Variants in PID1 observed in about 807,000 individuals in gnomAD.
PID1 encodes phosphotyrosine interaction domain containing 1.
A neutral mutation model predicts 19.1 loss-of-function variants in PID1; 10 were observed. The ratio of observed to expected loss-of-function variants is 0.52; its 90% CI spans 0.32 to 0.89. The LOEUF (loss-of-function observed/expected upper bound fraction) is 0.89. Among genes scored for constraint, PID1 ranks in the 40% least tolerant of loss-of-function variants. PID1 has a pLI of 0.03. For missense variants in PID1, 248 were observed against 285.3 expected (o/e 0.87, Z 0.94); for synonymous variants, 130 against 116.0 (o/e 1.12, Z -0.78).
At chr2:229,201,724 T>A (rs1208245910) in intron 1 of PID1, among the ~76,000 whole-genome samples, 2 of 152,098 alleles carry the variant, frequency 1.3e-5, no homozygotes, top group Non-Finnish European at 2.9e-5. Context: ...AGCAGTTGCA[T>A]CATTTTACAT....
chr2:229,149,586 T>C (rs1690205609), intron 2 of PID1, among the ~76,000 whole-genome samples: 2 of 152,220 alleles, frequency 1.3e-5, no homozygotes, highest in African/African-American at 4.8e-5. Context: ...GGACTACTAC[T>C]GTTATACCTG....
rs186022563 is a variant in PID1, at chr2:229,056,160, C to G, written c.178-30052G>C. On this transcript the variant is annotated intron_variant, in intron 2 of 2. Coordinates refer to ENST00000392055, the MANE Select transcript of PID1 (RefSeq NM_001100818.2). ...GTCTCAAGAATGTTTTTCATAGCTCCTGGATCCAGATTAGCCAAGAGATAA... is the reference window on the plus strand; with the variant it reads ...GTCTCAAGAATGTTTTTCATAGCTCGTGGATCCAGATTAGCCAAGAGATAA... Among the ~76,000 whole-genome samples the G allele has an allele frequency of 9.2e-5, 14 of 152,250 alleles. 1 individual carries two copies. In the East Asian group the frequency reaches 2.7e-3, roughly 29 times the overall value.
intron 2 of PID1, among the ~76,000 whole-genome samples, chr2:229,141,954 T>C (rs1300077448): frequency 6.6e-6 from 1 of 152,120 alleles, no homozygotes; most frequent in Non-Finnish European, 1.5e-5. Context: ...ACAGTGGTTT[T>C]TATATTCTAC....
chr2:229,066,763 T>C (rs2106198089), intron 2 of PID1, among the ~76,000 whole-genome samples: 1 of 151,720 alleles, frequency 6.6e-6, no homozygotes, highest in South Asian at 2.1e-4. Flanking sequence ...CCCCCTCCAT[T>C]AAGAAATCAA....
chr2:229,030,110 A>T (rs1693515559), intron 2 of PID1, among the ~76,000 whole-genome samples: 1 of 152,248 alleles, frequency 6.6e-6, no homozygotes, highest in African/African-American at 2.4e-5. Context: ...ATACTACAAC[A>T]TGGATGAATT....
At chr2:229,212,806 GC>G (rs1691766231) in intron 1 of PID1, among the ~76,000 whole-genome samples, 1 of 151,970 alleles carries the variant, frequency 6.6e-6, no homozygotes. Context: ...GCACAGCAAG[GC>G]AGGTAGAAGA....
intron 2 of PID1, among the ~76,000 whole-genome samples, chr2:229,132,825 G>A (rs1032154211): frequency 6.6e-6 from 1 of 152,160 alleles, no homozygotes; most frequent in African/African-American, 2.4e-5. Context: ...TACAATGTAT[G>A]CACTGCACTG....
intron 2 of PID1, among the ~76,000 whole-genome samples, chr2:229,108,522 C>G (rs181238525): frequency 2.0e-5 from 3 of 152,294 alleles, no homozygotes; most frequent in East Asian, 3.9e-4. Flanking sequence ...GCCAGCCCTA[C>G]CTGGGAGGAT....
chr2:229,107,659 G>C (rs1050690783), intron 2 of PID1, among the ~76,000 whole-genome samples: 1 of 152,096 alleles, frequency 6.6e-6, no homozygotes, highest in African/African-American at 2.4e-5. Flanking sequence ...TCAAGTTGTC[G>C]ACGGTGCTTT....
intron 1 of PID1, among the ~76,000 whole-genome samples, chr2:229,227,273 C>T (rs1236134686): frequency 6.6e-6 from 1 of 152,180 alleles, no homozygotes; most frequent in African/African-American, 2.4e-5. Flanking sequence ...ATTTTAAAAT[C>T]TGCACTTCAG....
chr2:229,083,417 T>C (rs1210280565), intron 2 of PID1, among the ~76,000 whole-genome samples: 1 of 152,174 alleles, frequency 6.6e-6, no homozygotes, highest in Non-Finnish European at 1.5e-5. Context: ...CTAATGTTAC[T>C]AGCAAATAGG....
At chr2:229,205,326 T>C (rs1184903353) in intron 1 of PID1, among the ~76,000 whole-genome samples, 1 of 152,072 alleles carries the variant, frequency 6.6e-6, no homozygotes, top group Non-Finnish European at 1.5e-5. Flanking sequence ...TTTCCATCTG[T>C]ATATGTGTAC....
chr2:229,237,455 G>A (rs575661452), intron 1 of PID1, among the ~76,000 whole-genome samples: 36 of 152,242 alleles, frequency 2.4e-4, no homozygotes, highest in South Asian at 4.1e-4. Flanking sequence ...ATTCTCTAGA[G>A]AGAACACTGT....
intron 2 of PID1, among the ~76,000 whole-genome samples, chr2:229,139,104 A>G (rs1317736690): frequency 3.0e-5 from 2 of 66,342 alleles, no homozygotes; most frequent in East Asian, 9.9e-4. Flanking sequence ...AGAAAGAAAG[A>G]AAGAAAGAAA....
At chr2:229,214,753 G>C (rs922090516) in intron 1 of PID1, among the ~76,000 whole-genome samples, 23 of 151,954 alleles carry the variant, frequency 1.5e-4, no homozygotes, top group African/African-American at 4.8e-5. Flanking sequence ...TTCTGTTGTT[G>C]ATTTGTTTTA....
At chr2:229,049,231 T>C (rs1458503462) in intron 2 of PID1, among the ~76,000 whole-genome samples, 1 of 152,156 alleles carries the variant, frequency 6.6e-6, no homozygotes, top group East Asian at 1.9e-4. Flanking sequence ...AGATGAAAAA[T>C]GGTATCCTGT....
intron 1 of PID1, among the ~76,000 whole-genome samples, chr2:229,218,613 A>C (rs1368354535): frequency 2.0e-5 from 3 of 152,210 alleles, no homozygotes; most frequent in African/African-American, 7.2e-5. Context: ...GTAAGCAAAT[A>C]GGCAGGATGT....
intron 2 of PID1, among the ~76,000 whole-genome samples, chr2:229,099,421 C>T (rs1048063498): frequency 3.9e-5 from 6 of 152,130 alleles, no homozygotes; most frequent in Admixed American, 2.6e-4. Flanking sequence ...AAACTCAGTA[C>T]CAGAAGGCAG....
intron 2 of PID1, among the ~76,000 whole-genome samples, chr2:229,138,783 C>T (rs980250327): frequency 5.9e-5 from 9 of 151,278 alleles, no homozygotes; most frequent in African/African-American, 2.4e-5. Context: ...TTGTTTGGGG[C>T]TAGACAAGTT....
Sources: allele counts gnomAD v4.1 joint callset (sites outside exome capture counted in the v4.1 genomes callset), GRCh38; gene constraint gnomAD v4.1.1; transcripts MANE v1.5; gene names NCBI Gene and HGNC (gene_info 2026-07-23, HGNC 2026-07-21).